Variants in VWDE observed in about 807,000 individuals in gnomAD.
VWDE encodes von Willebrand factor D and EGF domains.
Under a neutral mutation model 178.4 loss-of-function variants are expected in VWDE, and 207 were observed. The observed-to-expected ratio is 1.16, with a 90% CI of 1.04 to 1.30. The LOEUF (loss-of-function observed/expected upper bound fraction) is 1.30. Ranked by LOEUF, VWDE falls within the 50% of genes most tolerant of loss-of-function variation. VWDE has a pLI of 0.00. For synonymous variants in VWDE, 738 were observed against 651.4 expected (o/e 1.13, Z -2.02); for missense variants, 2,287 against 1,901.3 (o/e 1.20, Z -3.77).
intron 6 of VWDE, among the ~76,000 whole-genome samples, chr7:12,379,027 G>GGA (rs1783689908): frequency 6.6e-6 from 1 of 152,004 alleles, no homozygotes; most frequent in African/African-American, 2.4e-5. Flanking sequence ...GGATCCTATT[G>GGA]CCACCAGCAA....
chr7:12,358,663 C>G (rs777576905), intron 16 of VWDE, among the ~76,000 whole-genome samples: 1 of 152,090 alleles, frequency 6.6e-6, no homozygotes, highest in Admixed American at 6.5e-5. Flanking sequence ...TTTCCTCATC[C>G]TCAATATGAG....
At chr7:12,344,960 ATCTTT>A (rs1781523350) in intron 19 of VWDE, among the ~76,000 whole-genome samples, 1 of 152,112 alleles carries the variant, frequency 6.6e-6, no homozygotes, top group Non-Finnish European at 1.5e-5. Context: ...CTATATTGAC[ATCTTT>A]TATCTGTTTA....
chr7:12,393,505 T>G, intron 2 of VWDE, 89 bp downstream of exon 2: 489 of 1,130,418 alleles, frequency 4.3e-4, no homozygotes, highest in Non-Finnish European at 5.0e-4. Context: ...CATTTTAGCA[T>G]GAGAAATAAG....
At position 12,361,142 on chromosome 7, in the gene VWDE, C is replaced by T. The variant is rs1400421536; in HGVS notation, c.3159+5G>A. 2 of 1,477,358 alleles carry T rather than the reference C, an allele frequency of 1.4e-6. No homozygotes were observed. The highest frequency in any genetic ancestry group is 1.3e-5 in the South Asian group (1 of 78,668). The allele number at this position is 1,477,358 out of a possible 1,614,324, so 91.5% of individuals were successfully genotyped here. On this transcript the variant is annotated splice_donor_5th_base_variant and intron_variant, in intron 15 of 28. Transcript: ENST00000275358. ...AATGTGAAAATACATGAAAAAAATACATACCTTTATAGTACATGAGTCATT... is the reference window on the plus strand; with the variant it reads ...AATGTGAAAATACATGAAAAAAATATATACCTTTATAGTACATGAGTCATT...
intron 11 of VWDE, 52 bp downstream of exon 11, chr7:12,370,604 C>T: frequency 6.5e-7 from 1 of 1,535,738 alleles, no homozygotes; most frequent in Non-Finnish European, 8.8e-7. Flanking sequence ...GAGCCACCAC[C>T]CGTTTTAAGT....
At chr7:12,390,877 A>G (rs1269613031) in intron 2 of VWDE, among the ~76,000 whole-genome samples, 1 of 152,110 alleles carries the variant, frequency 6.6e-6, no homozygotes, top group Non-Finnish European at 1.5e-5. Flanking sequence ...TTACTAATTT[A>G]ACTTATAAAA....
At chr7:12,361,624 G>A in intron 13 of VWDE, 103 bp from the exon 14 acceptor site, 2 of 1,085,806 alleles carry the variant, frequency 1.8e-6, no homozygotes, top group Non-Finnish European at 1.3e-6. Context: ...TATATGCCTA[G>A]TATAATGTAA....
chr7:12,380,329 G>T (rs772254500), intron 5 of VWDE, among the ~76,000 whole-genome samples, 157 bp downstream of exon 5: 2 of 150,406 alleles, frequency 1.3e-5, no homozygotes. Flanking sequence ...CAGTTATCAC[G>T]AGAATTAGCA....
At chr7:12,333,087 A>G (rs1266820084) in intron 28 of VWDE, among the ~76,000 whole-genome samples, 1 of 152,192 alleles carries the variant, frequency 6.6e-6, no homozygotes, top group African/African-American at 2.4e-5. Flanking sequence ...GAGACAAAAC[A>G]CAATGCAGTT....
chr7:12,335,488 C>T (rs1255093101), intron 27 of VWDE, among the ~76,000 whole-genome samples: 1 of 151,868 alleles, frequency 6.6e-6, no homozygotes, highest in Non-Finnish European at 1.5e-5. Flanking sequence ...CGGAGTCTCG[C>T]TCTGTCGCCC....
Position 12,393,721 on chromosome 7 carries a change from C to T in VWDE, c.116G>A (p.Arg39His), listed in dbSNP as rs17165995. 218,262 of 1,550,688 alleles carry T rather than the reference C, an allele frequency of 0.14. 18,185 individuals carry two copies. The highest frequency in any genetic ancestry group is 0.39 in the African/African-American group (28,195 of 72,920). ...QFLRSPYRSV[R>H]FDSWHLQQSA... ...CTGCTGGAGGTGCCATGAGTCAAAACGGACACTTCTATAAGGACTCCGAAG... is the reference window on the plus strand; with the variant it reads ...CTGCTGGAGGTGCCATGAGTCAAAATGGACACTTCTATAAGGACTCCGAAG... The change falls in exon 2 of 29, where the codon CGT becomes CAT. Residue 39 changes from arginine (R) to histidine (H), a missense_variant. Transcript: ENST00000275358.
intron 13 of VWDE, 133 bp from the exon 14 acceptor site, chr7:12,361,654 AG>A (rs1782588624): frequency 1.2e-6 from 1 of 801,842 alleles, no homozygotes; most frequent in Non-Finnish European, 1.8e-6. Context: ...GGGAAACAAA[AG>A]TCACATTGGG....
chr7:12,387,795 A>G (rs933779381), intron 3 of VWDE, among the ~76,000 whole-genome samples: 2 of 152,120 alleles, frequency 1.3e-5, no homozygotes, highest in Non-Finnish European at 2.9e-5. Flanking sequence ...ATCTGCTTTG[A>G]TAACACTGTC....
At chr7:12,397,949 T>C (rs539613153) in intron 1 of VWDE, among the ~76,000 whole-genome samples, 1 of 152,310 alleles carries the variant, frequency 6.6e-6, no homozygotes, top group South Asian at 2.1e-4. Flanking sequence ...GGAACATTTA[T>C]ACACTGTTGG....
chr7:12,403,411 G>A (rs954580744), intron 1 of VWDE, among the ~76,000 whole-genome samples: 3 of 152,190 alleles, frequency 2.0e-5, no homozygotes, highest in African/African-American at 4.8e-5. Flanking sequence ...ACAGAACCAA[G>A]GGTCGTAGAG....
At chr7:12,338,769 A>G (rs1007814264) in intron 24 of VWDE, among the ~76,000 whole-genome samples, 1 of 152,176 alleles carries the variant, frequency 6.6e-6, no homozygotes, top group Non-Finnish European at 1.5e-5. Context: ...CAAGAGGTGA[A>G]GCAAATTGGA....
rs760255926 is a variant in VWDE at position 12,370,743 on chromosome 7, T to C, written c.1709A>G (p.Glu570Gly). ...NTLGLCGTFD[E>G]NPENDFHDKN... ...GTCATGGAAATCATTTTCCGGATTT[T>C]CATCAAAGGTTCCACAAAGTCCCAG... Residue 570 changes from glutamate to glycine, a missense_variant, in exon 11 of 29, where the codon GAA (glutamate) becomes GGA (glycine). By Grantham distance (98) the Glu-to-Gly change is moderately conservative. Transcript: ENST00000275358. 3 of 1,551,248 alleles carry C rather than the reference T, an allele frequency of 1.9e-6. No homozygotes were observed. In the South Asian group the frequency reaches 3.6e-5, roughly 18 times the overall value.
chr7:12,383,634 G>T (rs373608727), intron 3 of VWDE, 33 bp from the exon 4 acceptor site: 76 of 1,529,832 alleles, frequency 5.0e-5, no homozygotes, highest in Non-Finnish European at 6.6e-5. Flanking sequence ...TAATTATTCA[G>T]CTGGGCATGA....
At chr7:12,385,067 T>A (rs1017789422) in intron 3 of VWDE, among the ~76,000 whole-genome samples, 1 of 152,104 alleles carries the variant, frequency 6.6e-6, no homozygotes, top group Non-Finnish European at 1.5e-5. Flanking sequence ...TTCAAATATA[T>A]AAACTTTTTT....
Sources: gnomAD v4.1 joint callset for allele counts (sites outside exome capture counted in the v4.1 genomes callset) on GRCh38, gnomAD v4.1.1 for gene constraint, MANE v1.5 for transcripts, NCBI Gene and HGNC (gene_info 2026-07-23, HGNC 2026-07-21) for gene names.